The following AKAP9 variants were observed in gnomAD, a reference collection of about 807,000 sequenced individuals.
AKAP9 encodes the protein A-kinase anchoring protein 9, also known as A-kinase anchor protein 9.
In AKAP9, 311 loss-of-function variants were observed where a neutral mutation model predicts 488.5. The ratio of observed to expected loss-of-function variants is 0.64; its 90% CI spans 0.58 to 0.70. The LOEUF (loss-of-function observed/expected upper bound fraction) is 0.70, where lower values mean the gene tolerates loss of function less well. AKAP9 is among the 30% of genes least tolerant of loss of function. AKAP9 has a pLI of 0.00. For missense variants in AKAP9, 4,215 were observed against 4,374.5 expected, an observed-to-expected ratio of 0.96 and a Z score of 1.03; for synonymous variants, 1,462 against 1,483.5, an observed-to-expected ratio of 0.99 and a Z score of 0.33.
intron 2 of AKAP9, among the ~76,000 whole-genome samples, chr7:91,975,820 T>C (rs1236149177): frequency 6.6e-6 from 1 of 152,062 alleles, no homozygotes; most frequent in African/African-American, 2.4e-5. Context: ...GGAGGTTCCC[T>C]TTTATTCCTG....
chr7:92,005,043 G>C (rs938339811), intron 8 of AKAP9, among the ~76,000 whole-genome samples: 1 of 152,094 alleles, frequency 6.6e-6, no homozygotes, highest in Non-Finnish European at 1.5e-5. Context: ...GTTGAATTTT[G>C]TCCAAGGCCT....
Position 92,086,359 on chromosome 7 carries a change from A to G in AKAP9, c.9156A>G (p.Leu3052=). 6.2e-7 allele frequency: 1 copy of G among 1,613,962 alleles called. No homozygotes were observed. The change falls in exon 37 of 50, where the codon CTA becomes CTG. Residue 3052 remains leucine, a synonymous_variant. Transcript: ENST00000356239. ...CATTTCGGACGGAGCTGACAGCTCT[A>G]GGTACTACAGATGCAGTTGGTTTAC... ...LAAFRTELTA[L]GTTDAVGLLN...
chr7:92,104,533 G>A (rs141327944), intron 46 of AKAP9, among the ~76,000 whole-genome samples: 2 of 152,266 alleles, frequency 1.3e-5, no homozygotes, highest in East Asian at 3.9e-4. Flanking sequence ...ATTGGAAGCT[G>A]TCTGAGATCA....
Position 92,005,437 on chromosome 7 carries a change from G to A in AKAP9, c.3318+2202G>A, listed in dbSNP as rs111723373. 1.3e-4 allele frequency among the ~76,000 whole-genome samples: 20 copies of A among 152,176 alleles called. 1 individual carries two copies. Among genetic ancestry groups the A allele is most frequent in the South Asian group, 2.1e-4 (1 of 4,808 alleles). ...CTTGTGTAGTTGAGTTTGAGAGAGCGGGAGAGTGGAAGAAGAGTTTGAAGG... is the reference window on the plus strand; with the variant it reads ...CTTGTGTAGTTGAGTTTGAGAGAGCAGGAGAGTGGAAGAAGAGTTTGAAGG... On this transcript the variant is annotated intron_variant, in intron 8 of 49. Transcript: ENST00000356239.
At chr7:91,985,999 T>C (rs1797037384) in intron 3 of AKAP9, among the ~76,000 whole-genome samples, 1 of 152,150 alleles carries the variant, frequency 6.6e-6, no homozygotes, top group Non-Finnish European at 1.5e-5. Flanking sequence ...TGATACCAGC[T>C]CCTCTTTGTA....
chr7:92,044,544 T>C (rs1022390193), intron 20 of AKAP9, among the ~76,000 whole-genome samples: 1 of 152,362 alleles, frequency 6.6e-6, no homozygotes, highest in African/African-American at 2.4e-5. Flanking sequence ...ATTTTAAAAT[T>C]ATGTTTCAAA....
At chr7:92,014,131 TAA>T in intron 9 of AKAP9, 116 bp from the exon 10 acceptor site, 1 of 737,748 alleles carries the variant, frequency 1.4e-6, no homozygotes, top group Non-Finnish European at 2.3e-6. Flanking sequence ...CTCAAAGAAA[TAA>T]AGAATTTAAA....
chr7:92,088,157 T>A (rs998614376), intron 37 of AKAP9, among the ~76,000 whole-genome samples: 9 of 152,276 alleles, frequency 5.9e-5, no homozygotes, highest in African/African-American at 2.2e-4. Flanking sequence ...TGGAGAAACC[T>A]TGCAGATACC....
Position 92,100,911 on chromosome 7 carries a change from A to G in AKAP9, c.10952A>G (p.Glu3651Gly). The G allele has an allele frequency of 6.2e-7, 1 of 1,614,188 alleles. No homozygotes were observed. The highest frequency in any genetic ancestry group is 1.1e-5 in the South Asian group (1 of 91,090). Residue 3651 changes from glutamate to glycine, a missense_variant, in exon 45 of 50, where the codon GAA becomes GGA. By Grantham distance (98) the Glu-to-Gly change is moderately conservative (BLOSUM62 -2). Around this residue, in one of 5 missense-constraint regions of AKAP9, gnomAD observed 74 missense variants for 113.0 expected, o/e 0.65. Coordinates refer to ENST00000356239, the MANE Select transcript of AKAP9 (RefSeq NM_005751.5). ...GANIEAIIAS[E>G]KEVWNREKLT... ...AACATTGAAGCCATCATTGCCTCTG[A>G]AAAAGAAGTATGGAACAGAGAAAAA...
At chr7:92,049,395 C>T (rs563324941) in intron 21 of AKAP9, among the ~76,000 whole-genome samples, 14 of 152,030 alleles carry the variant, frequency 9.2e-5, no homozygotes, top group Non-Finnish European at 1.3e-4. Flanking sequence ...GTGGATCACA[C>T]GGTCAGGAGA....
intron 8 of AKAP9, 62 bp downstream of exon 8, chr7:92,003,297 G>T (rs934608295): frequency 3.1e-6 from 4 of 1,275,520 alleles, no homozygotes; most frequent in South Asian, 2.5e-5. Context: ...TCACACTAAG[G>T]TTTCACCTTC....
Position 92,070,202 on chromosome 7 carries a change from A to T in AKAP9, c.6503A>T (p.Gln2168Leu). The change falls in exon 27 of 50, where the codon CAA becomes CTA. Residue 2168 changes from glutamine (Q) to leucine (L), a missense_variant. Physicochemically the swap from Gln to Leu is moderately radical, Grantham distance 113. Transcript: ENST00000356239. ...QALLVSADTFQKVEDRKHFGA... is the reference protein window; with the variant it reads ...QALLVSADTFLKVEDRKHFGA... The stretch of plus-strand genomic sequence containing the variant: ...CTTCTTGTGAGTGCAGATACTTTTC[A>T]AAAGGTGTGGCATTTTATTTGGGCT... 6.2e-7 allele frequency: 1 copy of T among 1,613,976 alleles called. No homozygotes were observed. The highest frequency in any genetic ancestry group is 8.5e-7 in the Non-Finnish European group (1 of 1,179,886).
chr7:92,026,267 T>TAA (rs1202982847), intron 14 of AKAP9, among the ~76,000 whole-genome samples: 1 of 152,130 alleles, frequency 6.6e-6, no homozygotes, highest in Non-Finnish European at 1.5e-5. Flanking sequence ...TTTGGAGTAA[T>TAA]AAACACTTTC....
intron 1 of AKAP9, among the ~76,000 whole-genome samples, chr7:91,953,817 CCA>C (rs869266173): frequency 2.4e-4 from 23 of 95,712 alleles, no homozygotes; most frequent in Non-Finnish European, 3.1e-4. Context: ...CCCCCGCCCC[CCA>C]CCACACACAA....
chr7:92,019,906 C>G (rs932540026), intron 12 of AKAP9, among the ~76,000 whole-genome samples: 2 of 151,790 alleles, frequency 1.3e-5, no homozygotes, highest in East Asian at 1.9e-4. Context: ...CCCAGCTACT[C>G]TGGAGGCTGA....
intron 40 of AKAP9, 50 bp downstream of exon 40, chr7:92,095,223 G>T (rs1258651826): frequency 1.2e-6 from 2 of 1,606,356 alleles, no homozygotes; most frequent in Admixed American, 1.7e-5. Flanking sequence ...AATGATAGAA[G>T]AGGGTCTTAA....
intron 3 of AKAP9, among the ~76,000 whole-genome samples, 162 bp downstream of exon 3, chr7:91,980,495 C>CTTTTTTTTTTTATTTTTTTTTT (rs1796259897): frequency 2.1e-5 from 1 of 48,756 alleles, no homozygotes; most frequent in Non-Finnish European, 3.3e-5. Context: ...GTATTACTGA[C>CTTTTTTTTTTTATTTTTTTTTT]TTTTTTTTTT....
chr7:92,065,747 G>T (rs1810665723), intron 25 of AKAP9, among the ~76,000 whole-genome samples: 1 of 152,006 alleles, frequency 6.6e-6, no homozygotes, highest in Non-Finnish European at 1.5e-5. Flanking sequence ...TTCAGATCAG[G>T]AGCTTATTCT....
chr7:92,070,578 G>A (rs1390708373), intron 27 of AKAP9, among the ~76,000 whole-genome samples: 1 of 151,924 alleles, frequency 6.6e-6, no homozygotes, highest in Non-Finnish European at 1.5e-5. Context: ...GGGATTATAG[G>A]CATGCGCCAC....
Sources: gnomAD v4.1 joint callset for allele counts (sites outside exome capture counted in the v4.1 genomes callset) on GRCh38, gnomAD v4.1.1 for gene constraint, gnomAD v4.1.1 regional missense constraint, MANE v1.5 for transcripts, NCBI Gene and HGNC (gene_info 2026-07-23, HGNC 2026-07-21) for gene names.